The following NOX3 variants were observed in gnomAD, a reference collection of about 807,000 sequenced individuals.
NOX3 encodes the protein NADPH oxidase catalytic subunit-like 3.
In NOX3, 74 loss-of-function variants were observed where a neutral mutation model predicts 76.7. That is an observed-to-expected ratio of 0.96 (90% CI 0.80 to 1.17). The LOEUF (loss-of-function observed/expected upper bound fraction) is 1.17, where lower values mean the gene tolerates loss of function less well. Ranked by LOEUF, NOX3 falls within the 50% of genes most tolerant of loss-of-function variation. The pLI, the probability that NOX3 is intolerant of heterozygous loss-of-function variation, is 0.00. For synonymous variants in NOX3, 263 were observed against 261.1 expected (o/e 1.01, Z -0.07); for missense variants, 695 against 703.3 (o/e 0.99, Z 0.13).
intron 4 of NOX3, among the ~76,000 whole-genome samples, chr6:155,445,875 TA>T (rs1465766843): frequency 8.1e-6 from 1 of 123,132 alleles, no homozygotes; most frequent in Non-Finnish European, 1.6e-5. Context: ...TATACATATA[TA>T]TATATATATG....
chr6:155,451,750 A>G (rs1582950132), intron 4 of NOX3, among the ~76,000 whole-genome samples: 1 of 151,946 alleles, frequency 6.6e-6, no homozygotes, highest in East Asian at 1.9e-4. Flanking sequence ...AAAGCCTCCC[A>G]AGTAGCTGGG....
chr6:155,438,767 G>A (rs1047850268), intron 6 of NOX3, among the ~76,000 whole-genome samples: 7 of 152,200 alleles, frequency 4.6e-5, no homozygotes, highest in Non-Finnish European at 7.3e-5. Flanking sequence ...CCAGGTCCGC[G>A]CAGAGTCGGA....
chr6:155,414,851 C>T (rs1776604555), intron 10 of NOX3, among the ~76,000 whole-genome samples: 1 of 152,104 alleles, frequency 6.6e-6, no homozygotes, highest in South Asian at 2.1e-4. Context: ...TGGTCTCGAA[C>T]TCCTGACCTC....
intron 4 of NOX3, 48 bp downstream of exon 4, chr6:155,453,356 T>C: frequency 4.4e-6 from 6 of 1,371,122 alleles, no homozygotes; most frequent in Non-Finnish European, 6.3e-6. Flanking sequence ...ACTATGAAGT[T>C]AGGCATCAGA....
intron 12 of NOX3, among the ~76,000 whole-genome samples, chr6:155,401,498 T>C (rs1453614033): frequency 6.6e-6 from 1 of 152,204 alleles, no homozygotes; most frequent in Non-Finnish European, 1.5e-5. Flanking sequence ...AAATATCATT[T>C]TAAAACATTT....
At chr6:155,449,733 G>C (rs1777110675) in intron 4 of NOX3, among the ~76,000 whole-genome samples, 1 of 152,184 alleles carries the variant, frequency 6.6e-6, no homozygotes, top group South Asian at 2.1e-4. Flanking sequence ...GAACGGATGA[G>C]AAATTAGAGG....
intron 12 of NOX3, among the ~76,000 whole-genome samples, chr6:155,401,114 TGATA>T (rs983609771): frequency 1.3e-5 from 2 of 152,190 alleles, no homozygotes; most frequent in Non-Finnish European, 2.9e-5. Flanking sequence ...ACTAATAATT[TGATA>T]GATAGGTAAT....
chr6:155,431,021 A>C, intron 7 of NOX3, 86 bp from the exon 8 acceptor site: 3 of 802,506 alleles, frequency 3.7e-6, no homozygotes, highest in African/African-American at 1.7e-5. Context: ...AATATACAAC[A>C]TGATGGGGAT....
intron 4 of NOX3, among the ~76,000 whole-genome samples, chr6:155,444,909 C>G (rs1469802453): frequency 6.6e-6 from 1 of 152,182 alleles, no homozygotes; most frequent in East Asian, 1.9e-4. Flanking sequence ...TGTGTTATTT[C>G]TGGTGGATTG....
intron 10 of NOX3, among the ~76,000 whole-genome samples, chr6:155,417,422 G>T (rs1256590846): frequency 6.6e-6 from 1 of 152,202 alleles, no homozygotes. Flanking sequence ...TTTGCAAGAA[G>T]ACTGTAGTCA....
chr6:155,396,326 A>G (rs1052337491), intron 13 of NOX3, among the ~76,000 whole-genome samples: 3 of 152,198 alleles, frequency 2.0e-5, no homozygotes, highest in African/African-American at 7.2e-5. Flanking sequence ...TCAGGTTTGG[A>G]TATAAGGTGG....
intron 10 of NOX3, among the ~76,000 whole-genome samples, chr6:155,413,566 G>A (rs190119438): frequency 1.3e-5 from 2 of 152,250 alleles, no homozygotes; most frequent in African/African-American, 4.8e-5. Flanking sequence ...TATATTCGAG[G>A]TTGGTGATGA....
chr6:155,395,563 T>C lies in NOX3; in HGVS notation c.*39A>G, dbSNP rs933799061. 1 of 152,206 alleles carries C rather than the reference T, an allele frequency of 6.6e-6. No homozygotes were observed. The highest frequency in any genetic ancestry group is 1.5e-5 in the Non-Finnish European group (1 of 68,022). 9.4% of individuals were successfully genotyped at this position (152,206 alleles called of 1,614,324 possible). On this transcript the variant is annotated 3_prime_UTR_variant, in exon 14 of 14. Transcript: ENST00000159060. ...GGTGGAGTTCTTTGGAATCAATAAC[T>C]TGATTGAAAACCTAAACAAAAGATT... is the stretch of plus-strand genomic sequence containing the variant.
intron 7 of NOX3, among the ~76,000 whole-genome samples, chr6:155,433,668 A>T (rs9480137): frequency 0.027 from 4,072 of 152,340 alleles, 72 homozygotes; most frequent in Non-Finnish European, 0.04. Flanking sequence ...TGCTGACAAA[A>T]TGGCGGTTAT....
intron 10 of NOX3, 124 bp downstream of exon 10, chr6:155,422,570 T>G (rs1444396026): frequency 1.8e-5 from 15 of 855,552 alleles, no homozygotes; most frequent in Non-Finnish European, 2.6e-5. Context: ...ATAAGTATAG[T>G]TAAGGATCCT....
chr6:155,421,837 A>G (rs1266234290), intron 10 of NOX3, among the ~76,000 whole-genome samples: 1 of 152,042 alleles, frequency 6.6e-6, no homozygotes, highest in Non-Finnish European at 1.5e-5. Flanking sequence ...TGTCTTCTAG[A>G]GTGGGATGTT....
At chr6:155,414,795 GT>G (rs1024756642) in intron 10 of NOX3, among the ~76,000 whole-genome samples, 11 of 151,722 alleles carry the variant, frequency 7.3e-5, no homozygotes, top group Non-Finnish European at 8.8e-5. Flanking sequence ...GCACGACGAA[GT>G]TTTTATTTTT....
At chr6:155,412,511 C>A (rs890106983) in intron 10 of NOX3, among the ~76,000 whole-genome samples, 1 of 152,046 alleles carries the variant, frequency 6.6e-6, no homozygotes, top group African/African-American at 2.4e-5. Flanking sequence ...AAAACTGGGC[C>A]CACATATTTG....
chr6:155,450,544 C>T (rs1197460638), intron 4 of NOX3, among the ~76,000 whole-genome samples: 2 of 152,120 alleles, frequency 1.3e-5, no homozygotes, highest in Admixed American at 6.5e-5. Flanking sequence ...GGCACAGGCT[C>T]AGCCCTGGAG....
Sources: gnomAD v4.1 joint callset for allele counts (sites outside exome capture counted in the v4.1 genomes callset) on GRCh38, gnomAD v4.1.1 for gene constraint, MANE v1.5 for transcripts, NCBI Gene and HGNC (gene_info 2026-07-23, HGNC 2026-07-21) for gene names.